UHRF2: variants seen among roughly 807,000 people sequenced by gnomAD.
The protein encoded by UHRF2 is E3 ubiquitin-protein ligase UHRF2.
UHRF2 carries 23 observed loss-of-function variants against 96.8 expected under a neutral mutation model. The ratio of observed to expected loss-of-function variants is 0.24; its 90% CI spans 0.17 to 0.34. The LOEUF (loss-of-function observed/expected upper bound fraction) is 0.34. Ranked by LOEUF, UHRF2 falls within the 10% of genes least tolerant of loss-of-function variation. The pLI, the probability that UHRF2 is intolerant of heterozygous loss-of-function variation, is 1.00. For missense variants in UHRF2, 685 were observed against 981.5 expected, an observed-to-expected ratio of 0.70 and a Z score of 4.04; for synonymous variants, 385 against 332.6, an observed-to-expected ratio of 1.16 and a Z score of -1.72.
intron 2 of UHRF2, among the ~76,000 whole-genome samples, chr9:6,426,328 T>C (rs1458290498): frequency 1.3e-5 from 2 of 152,242 alleles, no homozygotes; most frequent in Non-Finnish European, 2.9e-5. Context: ...GGAGACCTGG[T>C]TTCAAATTTC....
intron 3 of UHRF2, among the ~76,000 whole-genome samples, chr9:6,455,937 C>T (rs1458951933): frequency 1.3e-5 from 2 of 152,132 alleles, no homozygotes; most frequent in African/African-American, 4.8e-5. Context: ...CGGGCATGAT[C>T]ACACCACTGC....
At chr9:6,437,055 G>A (rs1446199824) in intron 3 of UHRF2, among the ~76,000 whole-genome samples, 1 of 152,068 alleles carries the variant, frequency 6.6e-6, no homozygotes, top group Non-Finnish European at 1.5e-5. Context: ...AGCCCGATAT[G>A]GTTGTGATAC....
intron 4 of UHRF2, among the ~76,000 whole-genome samples, chr9:6,461,473 T>C (rs537483303): frequency 1.3e-5 from 2 of 149,552 alleles, no homozygotes; most frequent in African/African-American, 2.5e-5. Context: ...CTTGGGTTCA[T>C]GCAGTTCTCC....
At chr9:6,470,567 G>A (rs545093413) in intron 4 of UHRF2, among the ~76,000 whole-genome samples, 43 of 152,206 alleles carry the variant, frequency 2.8e-4, no homozygotes, top group African/African-American at 1.0e-3. Context: ...AGAATTAAGA[G>A]CAGGGAAAGG....
chr9:6,430,761 C>T (rs745738921), intron 2 of UHRF2, among the ~76,000 whole-genome samples: 1 of 152,172 alleles, frequency 6.6e-6, no homozygotes. Context: ...CCATGGAAAA[C>T]ACAATAAAGG....
At chr9:6,447,524 G>C (rs1587807392) in intron 3 of UHRF2, among the ~76,000 whole-genome samples, 1 of 152,130 alleles carries the variant, frequency 6.6e-6, no homozygotes, top group South Asian at 2.1e-4. Context: ...GAAAATATGG[G>C]GCTACCTGAG....
At chr9:6,448,014 C>T (rs909183664) in intron 3 of UHRF2, among the ~76,000 whole-genome samples, 4 of 152,160 alleles carry the variant, frequency 2.6e-5, no homozygotes, top group African/African-American at 9.7e-5. Context: ...AAGACATGCT[C>T]TCCAGGAAAT....
Position 6,497,996 on chromosome 9 carries a change from G to A in UHRF2, c.1768-22G>A, listed in dbSNP as rs376487736. The A allele has an allele frequency of 1.2e-5, 20 of 1,609,256 alleles. No homozygotes were observed. The African/African-American group carries it at 2.3e-4, about 18-fold the overall frequency. The stretch of plus-strand genomic sequence containing the variant: ...AGTCTAAATTTTAAATCTCAAACTG[G>A]CACTGAAATATTGTGATTTAGGTGG... On this transcript the variant is annotated intron_variant, in intron 11 of 15. Transcript: ENST00000276893.
intron 4 of UHRF2, among the ~76,000 whole-genome samples, chr9:6,469,964 T>G (rs7869419): frequency 0.07 from 10,659 of 152,144 alleles, 558 homozygotes; most frequent in African/African-American, 0.14. Context: ...CACAGTGGTA[T>G]ATCACAAACA....
intron 14 of UHRF2, among the ~76,000 whole-genome samples, chr9:6,503,036 C>T (rs1816383141): frequency 6.6e-6 from 1 of 151,934 alleles, no homozygotes; most frequent in Non-Finnish European, 1.5e-5. Flanking sequence ...GGTCTGTCTC[C>T]CAGGCTGAAG....
chr9:6,503,099 AT>A (rs1309076770), intron 14 of UHRF2, among the ~76,000 whole-genome samples: 3 of 152,076 alleles, frequency 2.0e-5, no homozygotes, highest in African/African-American at 7.2e-5. Flanking sequence ...GGTTCAAGTG[AT>A]TCTCCTGCCT....
intron 2 of UHRF2, among the ~76,000 whole-genome samples, chr9:6,430,823 GC>G (rs1440085404): frequency 6.6e-6 from 1 of 152,152 alleles, no homozygotes; most frequent in African/African-American, 2.4e-5. Flanking sequence ...CAAACCTAGT[GC>G]TTTCCTGTAT....
At chr9:6,485,818 A>G (rs1278859938) in intron 8 of UHRF2, among the ~76,000 whole-genome samples, 1 of 150,762 alleles carries the variant, frequency 6.6e-6, no homozygotes, top group South Asian at 2.1e-4. Flanking sequence ...AAAAAAAAAA[A>G]AAAAAAAAAA....
Position 6,497,238 on chromosome 9 carries a change from A to G in UHRF2, c.1645A>G (p.Ile549Val), listed in dbSNP as rs1208113616. The G allele has an allele frequency of 6.2e-7, 1 of 1,613,904 alleles. No individual in the cohort carries two copies. Among genetic ancestry groups the G allele is most frequent in the African/African-American group, 1.3e-5 (1 of 74,918 alleles). Residue 549 changes from isoleucine (I) to valine (V), a missense_variant, in exon 11 of 16, where the codon ATT becomes GTT. Ile to Val is a conservative substitution (Grantham distance 29). Transcript: ENST00000276893. The part of the protein sequence containing the change: ...LNCDAPLDDK[I>V]GAESRNWRAG... ...CTGTGATGCTCCATTGGATGATAAAATTGGAGCAGAGTCTCGGAATTGGAG... is the reference window on the plus strand; with the variant it reads ...CTGTGATGCTCCATTGGATGATAAAGTTGGAGCAGAGTCTCGGAATTGGAG...
chr9:6,503,517 C>G (rs13283381), intron 14 of UHRF2, among the ~76,000 whole-genome samples: 47,017 of 151,742 alleles, frequency 0.31, 9,619 homozygotes, highest in African/African-American at 0.58. Flanking sequence ...TTATAATTTC[C>G]TCCTACTGTA....
At chr9:6,414,530 G>A (rs965396617) in intron 1 of UHRF2, among the ~76,000 whole-genome samples, 4 of 152,058 alleles carry the variant, frequency 2.6e-5, no homozygotes, top group Non-Finnish European at 4.4e-5. Flanking sequence ...TATTCCACAA[G>A]TCTCTTACAA....
intron 6 of UHRF2, among the ~76,000 whole-genome samples, 188 bp downstream of exon 6, chr9:6,477,996 A>G (rs904188797): frequency 6.6e-6 from 1 of 152,206 alleles, no homozygotes; most frequent in Non-Finnish European, 1.5e-5. Flanking sequence ...CTCTTGCTCC[A>G]TTTTTTAATC....
intron 3 of UHRF2, among the ~76,000 whole-genome samples, chr9:6,442,000 CTG>C (rs1320533312): frequency 6.6e-6 from 1 of 152,110 alleles, no homozygotes; most frequent in East Asian, 1.9e-4. Flanking sequence ...TTTTCTTGCT[CTG>C]TTGCCCAGGC....
rs73642515 is a variant in UHRF2 at position 6,422,679 on chromosome 9, G to A, written c.384+1537G>A. The A allele has an allele frequency of 7.7e-3, 4,875 of 632,148 alleles. 185 individuals are homozygous for A. The highest frequency in any genetic ancestry group is 0.075 in the African/African-American group (4,084 of 54,176). 39.2% of individuals were successfully genotyped at this position (632,148 alleles called of 1,614,324 possible). A position where few individuals can be genotyped will look rare whatever the true frequency, so the allele number is the denominator to read the frequency against. ...GGCTGTAGTGCAGTGACGTGAACAC[G>A]GCTCGCTGTAGCCTTGACCTGCTGG... On this transcript the variant is annotated intron_variant, in intron 2 of 15. Coordinates refer to ENST00000276893, the MANE Select transcript of UHRF2 (RefSeq NM_152896.3).
Sources: allele counts gnomAD v4.1 joint callset (sites outside exome capture counted in the v4.1 genomes callset), GRCh38; gene constraint gnomAD v4.1.1; transcripts MANE v1.5; gene names NCBI Gene and HGNC (gene_info 2026-07-23, HGNC 2026-07-21).